Variants in MECOM observed in about 807,000 individuals in gnomAD.
MECOM encodes histone-lysine N-methyltransferase MECOM.
MECOM carries 13 observed loss-of-function variants against 116.3 expected under a neutral mutation model. That is an observed-to-expected ratio of 0.11 (90% CI 0.07 to 0.18). The LOEUF is 0.18. Ranked by LOEUF, MECOM falls within the 10% of genes least tolerant of loss-of-function variation. The pLI is 1.00. For missense variants in MECOM, 1,299 were observed against 1,509.0 expected, an observed-to-expected ratio of 0.86 and a Z score of 2.31; for synonymous variants, 528 against 535.2, an observed-to-expected ratio of 0.99 and a Z score of 0.19.
intron 2 of MECOM, among the ~76,000 whole-genome samples, chr3:169,215,531 G>A (rs780915730): frequency 2.6e-5 from 4 of 152,156 alleles, no homozygotes; most frequent in Admixed American, 6.5e-5. Flanking sequence ...AACAGGAGCC[G>A]GCTCAGCTTT....
chr3:169,093,055 T>G lies in MECOM; in HGVS notation c.3067A>C (p.Ile1023Leu). The G allele has an allele frequency of 6.2e-7, 1 of 1,613,816 alleles. No individual in the cohort carries two copies. The change falls in exon 14 of 17, where the codon ATT becomes CTT. Residue 1023 changes from isoleucine (I) to leucine (L), a missense_variant. Ile to Leu is a conservative substitution (Grantham distance 5, BLOSUM62 2). Coordinates refer to ENST00000651503, the MANE Select transcript of MECOM (RefSeq NM_004991.4). Reference sequence around the variant, plus strand: ...TAAGCATCTTCTTTGTCATCCAGAATCGCACCTGTACTTTCCAGTTCAGAA... The same window carrying G: ...TAAGCATCTTCTTTGTCATCCAGAAGCGCACCTGTACTTTCCAGTTCAGAA... ...PHSELESTGA[I>L]LDDKEDAYFT...
At position 169,143,711 on chromosome 3, in the gene MECOM, T is replaced by C. The variant is rs777934922; in HGVS notation, c.497A>G (p.Gln166Arg). 6.3e-7 allele frequency: 1 copy of C among 1,599,912 alleles called. No homozygotes were observed. Among genetic ancestry groups the C allele is most frequent in the South Asian group, 1.1e-5 (1 of 88,430 alleles). Reference protein sequence around the residue: ...CYDQHNLVACQINDQIFYRVV... With the variant: ...CYDQHNLVACRINDQIFYRVV... ...TTTACAACATACCTGATCATTTATC[T>C]GGCATGCAACAAGGTTGTGCTGATC... Residue 166 changes from glutamine (Q) to arginine (R), a missense_variant, in exon 3 of 17, where the codon CAG becomes CGG. Transcript: ENST00000651503.
chr3:169,657,385 A>T (rs1272782672), intron 1 of MECOM, among the ~76,000 whole-genome samples: 3 of 152,154 alleles, frequency 2.0e-5, no homozygotes. Context: ...ATGCCTTGAG[A>T]TCTGTTTGTT....
intron 10 of MECOM, among the ~76,000 whole-genome samples, chr3:169,103,803 CA>C (rs897545037): frequency 1.1e-4 from 17 of 152,316 alleles, no homozygotes; most frequent in African/African-American, 3.6e-4. Flanking sequence ...ATGGCCTGAA[CA>C]TGATCTCTTC....
chr3:169,373,152 CT>C, intron 2 of MECOM, among the ~76,000 whole-genome samples: 1 of 152,058 alleles, frequency 6.6e-6, no homozygotes. Flanking sequence ...CTTTAAAGAT[CT>C]TTTTGTTGGA....
chr3:169,145,172 A>T (rs1560271644), intron 2 of MECOM: 4 of 499,212 alleles, frequency 8.0e-6, no homozygotes, highest in Middle Eastern at 3.3e-4. Context: ...ACACACACAC[A>T]CACACACACA....
chr3:169,356,140 T>C (rs1727239433), intron 2 of MECOM, among the ~76,000 whole-genome samples: 1 of 151,898 alleles, frequency 6.6e-6, no homozygotes, highest in Non-Finnish European at 1.5e-5. Flanking sequence ...ACTCCTTCTG[T>C]TCTTGAAACA....
rs1200866009 is a variant in MECOM at position 169,343,115 on chromosome 3, C to G, written c.375+38072G>C. 5.3e-5 allele frequency among the ~76,000 whole-genome samples: 8 copies of G among 152,272 alleles called. No homozygotes were observed. The South Asian group carries it at 1.7e-3, about 32-fold the overall frequency. Reference sequence around the variant, plus strand: ...CAGAAGAGGAGAGAAGATGGATGTTCTGTAACCTTTTCTCAGAGACCCATT... The same window carrying G: ...CAGAAGAGGAGAGAAGATGGATGTTGTGTAACCTTTTCTCAGAGACCCATT... On this transcript the variant is annotated intron_variant, in intron 2 of 16. Coordinates refer to ENST00000651503, the MANE Select transcript of MECOM (RefSeq NM_004991.4).
intron 2 of MECOM, among the ~76,000 whole-genome samples, chr3:169,300,606 G>A (rs1577641494): frequency 6.6e-6 from 1 of 152,144 alleles, no homozygotes; most frequent in Admixed American, 6.5e-5. Context: ...TCAGATATTT[G>A]AAGCTAGTCC....
At chr3:169,471,946 C>G (rs1380467056) in intron 1 of MECOM, among the ~76,000 whole-genome samples, 1 of 152,124 alleles carries the variant, frequency 6.6e-6, no homozygotes, top group African/African-American at 2.4e-5. Flanking sequence ...ATGTCTTGAA[C>G]TTTCAGTTTA....
intron 1 of MECOM, among the ~76,000 whole-genome samples, chr3:169,581,668 G>A (rs536458418): frequency 1.3e-5 from 2 of 152,270 alleles, no homozygotes; most frequent in East Asian, 3.9e-4. Context: ...TGTCTGGGGA[G>A]CTGGAGGTGC....
chr3:169,489,513 A>G (rs1359483402), intron 1 of MECOM, among the ~76,000 whole-genome samples: 1 of 152,048 alleles, frequency 6.6e-6, no homozygotes, highest in Non-Finnish European at 1.5e-5. Flanking sequence ...GACAATTTTA[A>G]AAAAGTGTTT....
At chr3:169,529,229 C>T (rs1758300731) in intron 1 of MECOM, among the ~76,000 whole-genome samples, 1 of 152,182 alleles carries the variant, frequency 6.6e-6, no homozygotes, top group Non-Finnish European at 1.5e-5. Flanking sequence ...CACAATCCAC[C>T]AGGGACTATC....
intron 1 of MECOM, among the ~76,000 whole-genome samples, chr3:169,440,164 T>C (rs1268796579): frequency 6.6e-6 from 1 of 152,116 alleles, no homozygotes; most frequent in African/African-American, 2.4e-5. Flanking sequence ...TCATTTTATT[T>C]TTATATTCCA....
chr3:169,289,694 A>G (rs140701779), intron 2 of MECOM, among the ~76,000 whole-genome samples: 1 of 152,282 alleles, frequency 6.6e-6, no homozygotes, highest in African/African-American at 2.4e-5. Context: ...CACTTGGCTA[A>G]AAAAAATTAA....
At chr3:169,235,676 C>A (rs1325385024) in intron 2 of MECOM, among the ~76,000 whole-genome samples, 2 of 152,144 alleles carry the variant, frequency 1.3e-5, no homozygotes, top group Non-Finnish European at 2.9e-5. Flanking sequence ...GAACTACAGA[C>A]TTCCCTGTTT....
At chr3:169,557,179 T>C (rs1762138071) in intron 1 of MECOM, among the ~76,000 whole-genome samples, 1 of 152,126 alleles carries the variant, frequency 6.6e-6, no homozygotes, top group African/African-American at 2.4e-5. Context: ...TACCTAATGT[T>C]ACAGATAGCA....
chr3:169,338,074 G>T (rs1483671164), intron 2 of MECOM, among the ~76,000 whole-genome samples: 1 of 152,132 alleles, frequency 6.6e-6, no homozygotes. Context: ...ATTTGGTTGC[G>T]ATATAATCAG....
At chr3:169,212,265 G>C (rs1459537054) in intron 2 of MECOM, among the ~76,000 whole-genome samples, 1 of 151,990 alleles carries the variant, frequency 6.6e-6, no homozygotes, top group Non-Finnish European at 1.5e-5. Flanking sequence ...ACAACAGCCA[G>C]AGTGATCATT....
Sources: gnomAD v4.1 joint callset for allele counts (sites outside exome capture counted in the v4.1 genomes callset) on GRCh38, gnomAD v4.1.1 for gene constraint, MANE v1.5 for transcripts, NCBI Gene and HGNC (gene_info 2026-07-23, HGNC 2026-07-21) for gene names.